The following PPP3CC variants were observed in gnomAD, a reference collection of about 807,000 sequenced individuals.
The protein encoded by PPP3CC is serine/threonine-protein phosphatase 2B catalytic subunit gamma isoform.
Under a neutral mutation model 60.3 loss-of-function variants are expected in PPP3CC, and 35 were observed. The observed-to-expected ratio is 0.58, with a 90% CI of 0.44 to 0.77. The LOEUF is 0.77. PPP3CC is among the 30% of genes least tolerant of loss of function. PPP3CC has a pLI of 0.00. For synonymous variants in PPP3CC, 206 were observed against 224.3 expected (o/e 0.92, Z 0.73); for missense variants, 570 against 628.9 (o/e 0.91, Z 1.00).
chr8:22,497,473 G>A (rs769827439), intron 3 of PPP3CC, among the ~76,000 whole-genome samples: 1 of 151,946 alleles, frequency 6.6e-6, no homozygotes, highest in East Asian at 1.9e-4. Flanking sequence ...TATTGATTTT[G>A]TATGTTAATT....
At chr8:22,449,189 C>T (rs866186234) in intron 1 of PPP3CC, among the ~76,000 whole-genome samples, 1 of 152,116 alleles carries the variant, frequency 6.6e-6, no homozygotes, top group Non-Finnish European at 1.5e-5. Flanking sequence ...TGGCTCATGC[C>T]TGTAATCCCA....
chr8:22,513,226 C>A (rs557417430), intron 5 of PPP3CC, 67 bp from the exon 6 acceptor site: 2 of 1,505,430 alleles, frequency 1.3e-6, no homozygotes, highest in South Asian at 1.3e-5. Context: ...TTCTTTGACA[C>A]ATACTAGTTT....
At chr8:22,468,595 A>C (rs1175237338) in intron 1 of PPP3CC, among the ~76,000 whole-genome samples, 1 of 151,444 alleles carries the variant, frequency 6.6e-6, no homozygotes, top group Non-Finnish European at 1.5e-5. Flanking sequence ...TCTAATAGGC[A>C]TCTCAAATTA....
intron 3 of PPP3CC, among the ~76,000 whole-genome samples, chr8:22,486,366 A>G (rs1838224576): frequency 6.6e-6 from 1 of 152,122 alleles, no homozygotes; most frequent in African/African-American, 2.4e-5. Flanking sequence ...AAGCCAATCA[A>G]TTTCCTGTCA....
intron 1 of PPP3CC, among the ~76,000 whole-genome samples, chr8:22,461,828 T>A (rs1158357622): frequency 6.6e-6 from 1 of 152,066 alleles, no homozygotes; most frequent in East Asian, 1.9e-4. Flanking sequence ...GTAATTTGAG[T>A]GAGTTGCTGG....
At chr8:22,457,105 CT>C (rs2132440484) in intron 1 of PPP3CC, among the ~76,000 whole-genome samples, 1 of 144,634 alleles carries the variant, frequency 6.9e-6, no homozygotes, top group East Asian at 2.1e-4. Flanking sequence ...CTCCTTCCCC[CT>C]CCATCCCTTC....
Position 22,445,703 on chromosome 8 carries a change from G to C in PPP3CC, c.49+4245G>C, listed in dbSNP as rs1442532605. 2.0e-5 allele frequency among the ~76,000 whole-genome samples: 3 copies of C among 152,122 alleles called. No homozygotes were observed. In the East Asian group the frequency reaches 5.8e-4, roughly 29 times the overall value. ...TTATATTTTCAGTGGGGACACATTAGTCACTTGATACAATACCAACCCAGA... is the reference window on the plus strand; with the variant it reads ...TTATATTTTCAGTGGGGACACATTACTCACTTGATACAATACCAACCCAGA... On this transcript the variant is annotated intron_variant, in intron 1 of 13. Coordinates refer to ENST00000240139, the MANE Select transcript of PPP3CC (RefSeq NM_005605.5).
At chr8:22,476,134 ACTTTC>A (rs1837881240) in intron 3 of PPP3CC, among the ~76,000 whole-genome samples, 1 of 152,228 alleles carries the variant, frequency 6.6e-6, no homozygotes, top group Non-Finnish European at 1.5e-5. Context: ...TAAAACTTAT[ACTTTC>A]CTTTTATATA....
At chr8:22,465,689 G>C (rs1837499496) in intron 1 of PPP3CC, among the ~76,000 whole-genome samples, 1 of 152,090 alleles carries the variant, frequency 6.6e-6, no homozygotes. Flanking sequence ...TTAGCCTCCA[G>C]AACTATGAAT....
At chr8:22,503,322 CCTT>C (rs1838815220) in intron 4 of PPP3CC, among the ~76,000 whole-genome samples, 1 of 152,054 alleles carries the variant, frequency 6.6e-6, no homozygotes, top group African/African-American at 2.4e-5. Context: ...TTCCTTAACA[CCTT>C]CATTTCTTAC....
At chr8:22,521,282 G>A (rs1316814398) in intron 6 of PPP3CC, among the ~76,000 whole-genome samples, 1 of 152,206 alleles carries the variant, frequency 6.6e-6, no homozygotes, top group Non-Finnish European at 1.5e-5. Context: ...CTGGAGCCAG[G>A]TCAGAGTGCT....
chr8:22,522,901 T>G (rs958929165), intron 8 of PPP3CC, 152 bp downstream of exon 8: 25 of 572,052 alleles, frequency 4.4e-5, no homozygotes, highest in Middle Eastern at 4.1e-4. Context: ...GCCAAGAAAT[T>G]TAGAATTTAT....
At chr8:22,491,467 C>G (rs1480218799) in intron 3 of PPP3CC, among the ~76,000 whole-genome samples, 1 of 152,152 alleles carries the variant, frequency 6.6e-6, no homozygotes, top group Non-Finnish European at 1.5e-5. Context: ...CCATTCAGCT[C>G]TTGCACTCAC....
At chr8:22,525,133 G>A (rs895182581) in intron 8 of PPP3CC, among the ~76,000 whole-genome samples, 2 of 145,172 alleles carry the variant, frequency 1.4e-5, no homozygotes, top group Non-Finnish European at 3.0e-5. Flanking sequence ...CCAGGCAATA[G>A]AGCAAGACCC....
chr8:22,516,225 C>T (rs1174083195), intron 6 of PPP3CC, among the ~76,000 whole-genome samples: 2 of 152,166 alleles, frequency 1.3e-5, no homozygotes, highest in Non-Finnish European at 2.9e-5. Context: ...CAGGGATGAG[C>T]CCCACCCAGC....
At chr8:22,493,930 G>GTAGGTTTTTTTAC (rs1355826341) in intron 3 of PPP3CC, among the ~76,000 whole-genome samples, 1 of 152,186 alleles carries the variant, frequency 6.6e-6, no homozygotes, top group Admixed American at 6.5e-5. Flanking sequence ...TGGCAGTGCA[G>GTAGGTTTTTTTAC]TAGGTTTTTT....
At chr8:22,500,889 C>T (rs1838741725) in intron 4 of PPP3CC, among the ~76,000 whole-genome samples, 2 of 152,208 alleles carry the variant, frequency 1.3e-5, no homozygotes, top group Non-Finnish European at 1.5e-5. Flanking sequence ...CATGGTGGCT[C>T]ATGCCTGTAA....
intron 4 of PPP3CC, among the ~76,000 whole-genome samples, chr8:22,509,253 C>A (rs990587802): frequency 4.6e-5 from 7 of 152,158 alleles, no homozygotes; most frequent in Admixed American, 4.6e-4. Context: ...CAAAACCTTG[C>A]CAGGACCAGG....
At chr8:22,453,590 A>G (rs1837099906) in intron 1 of PPP3CC, among the ~76,000 whole-genome samples, 1 of 152,176 alleles carries the variant, frequency 6.6e-6, no homozygotes. Context: ...TTTGGTTGAA[A>G]ACATTTGCAT....
Sources: allele counts gnomAD v4.1 joint callset (sites outside exome capture counted in the v4.1 genomes callset), GRCh38; gene constraint gnomAD v4.1.1; transcripts MANE v1.5; gene names NCBI Gene and HGNC (gene_info 2026-07-23, HGNC 2026-07-21).